CACNB4: variants seen among roughly 807,000 people sequenced by gnomAD.
The protein encoded by CACNB4 is voltage-dependent L-type calcium channel subunit beta-4.
A neutral mutation model predicts 71.2 loss-of-function variants in CACNB4; 32 were observed. That is an observed-to-expected ratio of 0.45 (90% CI 0.34 to 0.60). CACNB4 has a LOEUF of 0.60. Among genes scored for constraint, CACNB4 ranks in the 20% least tolerant of loss-of-function variants. The probability of loss-of-function intolerance (pLI) is 0.01; values close to 1 mark genes in which losing one functional copy is unlikely to be tolerated. For synonymous variants in CACNB4, 231 were observed against 236.9 expected (o/e 0.97, Z 0.23); for missense variants, 464 against 647.9 (o/e 0.72, Z 3.08).
intron 4 of CACNB4, chr2:151,880,484 G>C: frequency 2.8e-6 from 1 of 354,182 alleles, no homozygotes; most frequent in Non-Finnish European, 5.2e-6. Context: ...TTCCAAAGTT[G>C]GATCCATATA....
Position 151,860,809 on chromosome 2 carries a change from G to A in CACNB4, c.770C>T (p.Thr257Met), listed in dbSNP as rs1553749683. ...AAGAGAAATGTCAGCTGTCACTCTC[G>A]TTATTGAAATCCTATGAATAGGAAC... ...KHRFDGRISI[T>M]RVTADISLAK... Residue 257 changes from threonine to methionine, a missense_variant, in exon 10 of 14, where the codon ACG becomes ATG. This residue lies in a region of CACNB4 where 299 missense variants were observed against 471.7 expected (regional missense o/e 0.63). Transcript: ENST00000539935. 2.5e-6 allele frequency: 4 copies of A among 1,608,262 alleles called. No homozygotes were observed. The highest frequency in any genetic ancestry group is 3.4e-6 in the Non-Finnish European group (4 of 1,174,812).
chr2:152,045,849 T>C (rs1685118932), intron 2 of CACNB4, among the ~76,000 whole-genome samples: 1 of 151,856 alleles, frequency 6.6e-6, no homozygotes, highest in Admixed American at 6.6e-5. Flanking sequence ...GCAGATTCAA[T>C]GAAAAGGAAA....
chr2:152,050,731 T>C (rs1272674961), intron 2 of CACNB4, among the ~76,000 whole-genome samples: 2 of 152,060 alleles, frequency 1.3e-5, no homozygotes, highest in Non-Finnish European at 2.9e-5. Context: ...AAAATTTTTT[T>C]TTAATGCAGG....
At chr2:152,038,715 A>T (rs1684723568) in intron 2 of CACNB4, among the ~76,000 whole-genome samples, 1 of 152,236 alleles carries the variant, frequency 6.6e-6, no homozygotes, top group Non-Finnish European at 1.5e-5. Context: ...GACTCATGGC[A>T]TGTGAGATTG....
intron 2 of CACNB4, among the ~76,000 whole-genome samples, chr2:151,896,099 G>A (rs1228728263): frequency 1.3e-5 from 2 of 152,084 alleles, no homozygotes; most frequent in African/African-American, 4.8e-5. Flanking sequence ...GCCTGCCTTG[G>A]CCTCCCAAAA....
At position 151,914,890 on chromosome 2, in the gene CACNB4, C is replaced by G. The variant is rs573033760; in HGVS notation, c.148-31520G>C. On this transcript the variant is annotated intron_variant, in intron 2 of 13. Transcript: ENST00000539935. ...ACCTCTGACCTCAAGAGGCACCAACCTGATGCCAGCAGGATCCCTCCTGTA... is the reference window on the plus strand; with the variant it reads ...ACCTCTGACCTCAAGAGGCACCAACGTGATGCCAGCAGGATCCCTCCTGTA... 1.7e-4 allele frequency among the ~76,000 whole-genome samples: 26 copies of G among 152,308 alleles called. No homozygotes were observed. In the South Asian group the frequency reaches 5.4e-3, roughly 32 times the overall value.
intron 2 of CACNB4, among the ~76,000 whole-genome samples, chr2:151,974,263 A>C (rs2099873369): frequency 6.6e-6 from 1 of 152,230 alleles, no homozygotes; most frequent in African/African-American, 2.4e-5. Flanking sequence ...TTTTCAGAGA[A>C]TATCATGTAA....
chr2:151,977,031 C>T (rs768539232), intron 2 of CACNB4, among the ~76,000 whole-genome samples: 30 of 150,666 alleles, frequency 2.0e-4, no homozygotes, highest in Non-Finnish European at 2.1e-4. Context: ...GAAACCACCC[C>T]GTTTCTGGCC....
Position 152,098,269 on chromosome 2 carries a change from G to A in CACNB4, c.147+61C>T. 7.3e-7 allele frequency: 1 copy of A among 1,379,096 alleles called. No individual in the cohort carries two copies. Among genetic ancestry groups the A allele is most frequent in the Non-Finnish European group, 1.0e-6 (1 of 968,124 alleles). The allele number at this position is 1,379,096 out of a possible 1,614,324, so 85.4% of individuals were successfully genotyped here. Reference sequence around the variant, plus strand: ...CACGTGTGGGCCACGGCCGGCTCCAGGACCCCCGCGCCGCGCGCTCGGCCT... The same window carrying A: ...CACGTGTGGGCCACGGCCGGCTCCAAGACCCCCGCGCCGCGCGCTCGGCCT... On this transcript the variant is annotated intron_variant, in intron 2 of 13. Coordinates refer to ENST00000539935, the MANE Select transcript of CACNB4 (RefSeq NM_000726.5). This position sits in a 1 kb window ranked among gnomAD's most constrained non-coding sequence, Gnocchi z 5.3.
intron 2 of CACNB4, among the ~76,000 whole-genome samples, chr2:151,893,711 TGAAAA>T (rs1247366903): frequency 6.6e-6 from 1 of 152,054 alleles, no homozygotes; most frequent in Non-Finnish European, 1.5e-5. Context: ...TCAGAAGCCA[TGAAAA>T]GAAAAGATTG....
chr2:151,906,297 A>G (rs535033345), intron 2 of CACNB4, among the ~76,000 whole-genome samples: 57 of 152,370 alleles, frequency 3.7e-4, no homozygotes, highest in African/African-American at 1.2e-3. Flanking sequence ...TCAAAAATAG[A>G]AAGCAGTTGA....
chr2:151,841,690 T>G (rs2099836268), intron 13 of CACNB4: 1 of 495,970 alleles, frequency 2.0e-6, no homozygotes, highest in African/African-American at 2.0e-5. Context: ...CACTGTAAAT[T>G]CACAGACAGC....
intron 2 of CACNB4, among the ~76,000 whole-genome samples, chr2:151,940,130 T>C (rs952338): frequency 0.22 from 34,142 of 152,098 alleles, 3,949 homozygotes; most frequent in Middle Eastern, 0.41. Flanking sequence ...AAAAAGCAGA[T>C]TAATAATAAT....
intron 2 of CACNB4, among the ~76,000 whole-genome samples, chr2:152,084,204 G>A (rs964252363): frequency 1.3e-5 from 2 of 152,166 alleles, no homozygotes; most frequent in Non-Finnish European, 2.9e-5. Context: ...TGCTGCAGAA[G>A]CTGGCTTTAC....
chr2:152,058,449 G>A (rs942300216), intron 2 of CACNB4, among the ~76,000 whole-genome samples: 2 of 152,176 alleles, frequency 1.3e-5, no homozygotes, highest in African/African-American at 4.8e-5. Flanking sequence ...AGTGATATGG[G>A]CAGTGAAGTA....
At chr2:152,040,227 T>A (rs983714191) in intron 2 of CACNB4, among the ~76,000 whole-genome samples, 2 of 152,210 alleles carry the variant, frequency 1.3e-5, no homozygotes, top group African/African-American at 4.8e-5. Flanking sequence ...TGAAGGCTCA[T>A]GATTCTCCTA....
At chr2:151,974,075 C>T (rs944245527) in intron 2 of CACNB4, 11 of 553,838 alleles carry the variant, frequency 2.0e-5, no homozygotes, top group Middle Eastern at 8.0e-4. Flanking sequence ...GAGCATCCTA[C>T]CCAGCAAAGA....
intron 2 of CACNB4, among the ~76,000 whole-genome samples, chr2:152,006,328 C>A (rs1199039168): frequency 1.3e-5 from 2 of 152,138 alleles, no homozygotes; most frequent in Non-Finnish European, 2.9e-5. Context: ...ACATTTGTTA[C>A]CTGCTGGCCT....
intron 2 of CACNB4, chr2:151,974,120 C>T (rs1309169304): frequency 9.1e-6 from 2 of 219,362 alleles, no homozygotes; most frequent in East Asian, 3.3e-4. Context: ...GTTAGTTCTA[C>T]AATAAACACT....
Sources: gnomAD v4.1 joint callset for allele counts (sites outside exome capture counted in the v4.1 genomes callset) on GRCh38, gnomAD v4.1.1 for gene constraint, gnomAD v4.1.1 regional missense constraint, Gnocchi (gnomAD v3.1) non-coding constraint, MANE v1.5 for transcripts, NCBI Gene and HGNC (gene_info 2026-07-23, HGNC 2026-07-21) for gene names.